EEFSEC: variants seen among roughly 807,000 people sequenced by gnomAD.
EEFSEC encodes selenocysteine-specific elongation factor.
EEFSEC carries 43 observed loss-of-function variants against 42.1 expected under a neutral mutation model. The observed-to-expected ratio is 1.02, with a 90% CI of 0.80 to 1.32. The LOEUF (loss-of-function observed/expected upper bound fraction) is 1.32. EEFSEC is among the 40% of genes most tolerant of loss of function. The pLI is 0.00. For missense variants in EEFSEC, 745 were observed against 803.6 expected, an observed-to-expected ratio of 0.93 and a Z score of 0.88; for synonymous variants, 354 against 339.1, an observed-to-expected ratio of 1.04 and a Z score of -0.48.
chr3:128,182,312 C>CA (rs34027926), intron 1 of EEFSEC, among the ~76,000 whole-genome samples: 1,129 of 108,988 alleles, frequency 0.01, 6 homozygotes, highest in Non-Finnish European at 0.014. Flanking sequence ...AGTAACTATC[C>CA]AAAAAAAAAA....
rs148120829 is a variant in EEFSEC, at chr3:128,250,645, T to A, written c.524+3602T>A. 1.3e-3 allele frequency among the ~76,000 whole-genome samples: 192 copies of A among 152,338 alleles called. 1 individual carries two copies. The highest frequency in any genetic ancestry group is 4.5e-3 in the African/African-American group (187 of 41,596). The stretch of plus-strand genomic sequence containing the variant: ...CACACTGCTTTGATGTCTGTAGTTT[T>A]GTATTAAGTTTCAAAGTCAGAAAGT... On this transcript the variant is annotated intron_variant, in intron 2 of 6. Transcript: ENST00000254730.
chr3:128,316,235 A>G (rs1016189419), intron 4 of EEFSEC, among the ~76,000 whole-genome samples: 2 of 152,216 alleles, frequency 1.3e-5, no homozygotes, highest in Non-Finnish European at 2.9e-5. Context: ...CTAAAATTCT[A>G]CTTCCCAGAG....
At position 128,408,580 on chromosome 3, in the gene EEFSEC, A is replaced by G. The variant is rs936663842; in HGVS notation, c.*321A>G. On this transcript the variant is annotated 3_prime_UTR_variant, in exon 7 of 7. Coordinates refer to ENST00000254730, the MANE Select transcript of EEFSEC (RefSeq NM_021937.5). ...GTTGGCCACCTGCAGGCCAGTCTCA[A>G]CCCTCCCCCAGGTGGGCAGGCACTT... 1 of 261,768 alleles carries G rather than the reference A, an allele frequency of 3.8e-6. No individual in the cohort carries two copies. The highest frequency in any genetic ancestry group is 2.2e-5 in the African/African-American group (1 of 44,778). 16.2% of individuals were successfully genotyped at this position (261,768 alleles called of 1,614,324 possible). A position where few individuals can be genotyped will look rare whatever the true frequency, so the allele number is the denominator to read the frequency against.
intron 6 of EEFSEC, among the ~76,000 whole-genome samples, chr3:128,367,226 A>G (rs1003920906): frequency 6.6e-6 from 1 of 152,230 alleles, no homozygotes; most frequent in East Asian, 1.9e-4. Context: ...ATTCCAGTAT[A>G]TGAATTTGAA....
intron 1 of EEFSEC, among the ~76,000 whole-genome samples, chr3:128,209,353 G>A (rs952063123): frequency 6.6e-6 from 1 of 152,176 alleles, no homozygotes; most frequent in African/African-American, 2.4e-5. Flanking sequence ...AAAGACCATG[G>A]CTAATTCAGG....
intron 1 of EEFSEC, among the ~76,000 whole-genome samples, chr3:128,227,165 G>GA (rs2065916450): frequency 6.6e-6 from 1 of 152,314 alleles, no homozygotes; most frequent in South Asian, 2.1e-4. Flanking sequence ...TCTCCATCCA[G>GA]AAAAATGTCT....
intron 1 of EEFSEC, among the ~76,000 whole-genome samples, chr3:128,219,780 A>AG (rs987109886): frequency 4.5e-4 from 68 of 152,044 alleles, no homozygotes; most frequent in Admixed American, 9.2e-4. Flanking sequence ...ACTAGAAAAA[A>AG]AAAAAAGAAA....
intron 1 of EEFSEC, among the ~76,000 whole-genome samples, chr3:128,242,272 T>C (rs1576574371): frequency 1.3e-5 from 2 of 151,976 alleles, no homozygotes; most frequent in East Asian, 3.9e-4. Flanking sequence ...TGAGCTATGA[T>C]TGCACCACTG....
chr3:128,421,533 C>T, the EEFSEC span, among the ~76,000 whole-genome samples: 1 of 152,244 alleles, frequency 6.6e-6, no homozygotes, highest in Non-Finnish European at 1.5e-5. Context: ...CTGTGGCCCT[C>T]CCAGGTCAGC....
chr3:128,163,322 C>G (rs150294684), intron 1 of EEFSEC, among the ~76,000 whole-genome samples: 12 of 151,938 alleles, frequency 7.9e-5, no homozygotes, highest in African/African-American at 2.9e-4. Flanking sequence ...CAGCATGCAT[C>G]CCTCTTGGTG....
chr3:128,279,416 G>A (rs2066502120), intron 4 of EEFSEC, among the ~76,000 whole-genome samples: 1 of 152,212 alleles, frequency 6.6e-6, no homozygotes, highest in Non-Finnish European at 1.5e-5. Context: ...GACCACAAGT[G>A]TCTGCAGACA....
At chr3:128,425,811 T>C in the EEFSEC span, among the ~76,000 whole-genome samples, 1 of 151,966 alleles carries the variant, frequency 6.6e-6, no homozygotes, top group Non-Finnish European at 1.5e-5. Context: ...TCCAAGGGCA[T>C]GAATTAGGGC....
Position 128,408,139 on chromosome 3 carries a change from G to A in EEFSEC, c.1671G>A (p.Gly557=). The stretch of plus-strand genomic sequence containing the variant: ...AGAAGCGGGCCCGGGCTGGCCGTGG[G>A]GAGGCCACCAGGCAGGAGGAGAGCG... The part of the protein sequence containing the change: ...ALKKRARAGR[G]EATRQEESAE... Residue 557 remains glycine (G), a synonymous_variant, in exon 7 of 7, where the codon GGG becomes GGA. Transcript: ENST00000254730. 6.2e-7 allele frequency: 1 copy of A among 1,611,788 alleles called. No homozygotes were observed. Among genetic ancestry groups the A allele is most frequent in the Non-Finnish European group, 8.5e-7 (1 of 1,178,936 alleles).
chr3:128,211,657 A>G lies in EEFSEC; in HGVS notation c.317-35179A>G, dbSNP rs191871771. Among the ~76,000 whole-genome samples, 24 of 151,582 alleles carry G rather than the reference A, an allele frequency of 1.6e-4. 1 individual carries two copies. In the East Asian group the frequency reaches 1.9e-3, roughly 12 times the overall value. The stretch of plus-strand genomic sequence containing the variant: ...CAGCCCCCCAAGTAGCTGGGACTAC[A>G]GGTGCATGCCACTGTGCCCAGCTAA... On this transcript the variant is annotated intron_variant, in intron 1 of 6. Transcript: ENST00000254730.
Position 128,322,839 on chromosome 3 carries a change from C to T in EEFSEC, c.787-18394C>T, listed in dbSNP as rs2999044. Reference sequence around the variant, plus strand: ...TTGGACCTTGCTGCCACCCCGTCCCCACCTTTGCCCCTGCTGGTCCTCTGG... The same window carrying T: ...TTGGACCTTGCTGCCACCCCGTCCCTACCTTTGCCCCTGCTGGTCCTCTGG... On this transcript the variant is annotated intron_variant, in intron 4 of 6. Coordinates refer to ENST00000254730, the MANE Select transcript of EEFSEC (RefSeq NM_021937.5). Among the ~76,000 whole-genome samples the T allele has an allele frequency of 6.6e-5, 10 of 152,288 alleles. No homozygotes were observed. The East Asian group carries it at 1.9e-3, about 29-fold the overall frequency.
chr3:128,272,244 G>A lies in EEFSEC; in HGVS notation c.786+7463G>A, dbSNP rs145678718. 5.8e-3 allele frequency among the ~76,000 whole-genome samples: 878 copies of A among 152,340 alleles called. 6 individuals are homozygous for A. Among genetic ancestry groups the A allele is most frequent in the Non-Finnish European group, 9.0e-3 (609 of 68,036 alleles). ...CTTGTGGTTGACTCCTGAACATCAC[G>A]CTATCGAAGGATCCGTCCTGACAGT... On this transcript the variant is annotated intron_variant, in intron 4 of 6. Transcript: ENST00000254730.
chr3:128,301,587 T>A (rs942647280), intron 4 of EEFSEC, among the ~76,000 whole-genome samples: 1 of 152,176 alleles, frequency 6.6e-6, no homozygotes, highest in Non-Finnish European at 1.5e-5. Flanking sequence ...CTGCTAAACG[T>A]ACTCTCAGAG....
intron 4 of EEFSEC, among the ~76,000 whole-genome samples, chr3:128,304,634 T>G (rs1576623365): frequency 6.6e-6 from 1 of 152,156 alleles, no homozygotes; most frequent in East Asian, 1.9e-4. Flanking sequence ...TTTTATTTGC[T>G]TATCTTATTA....
chr3:128,217,351 C>G (rs998971376), intron 1 of EEFSEC, among the ~76,000 whole-genome samples: 4 of 152,076 alleles, frequency 2.6e-5, no homozygotes, highest in African/African-American at 7.2e-5. Flanking sequence ...CAGTGTCACC[C>G]AAGGGTCCAC....
Sources: gnomAD v4.1 joint callset for allele counts (sites outside exome capture counted in the v4.1 genomes callset) on GRCh38, gnomAD v4.1.1 for gene constraint, MANE v1.5 for transcripts, NCBI Gene and HGNC (gene_info 2026-07-23, HGNC 2026-07-21) for gene names.